The following SLC12A7 variants were observed in gnomAD, a reference collection of about 807,000 sequenced individuals.
SLC12A7 encodes the protein K-Cl cotransporter 4.
In SLC12A7, 100 loss-of-function variants were observed where a neutral mutation model predicts 120.6. That is an observed-to-expected ratio of 0.83 (90% CI 0.71 to 0.98). The LOEUF (loss-of-function observed/expected upper bound fraction) is 0.98, where lower values mean the gene tolerates loss of function less well. SLC12A7 is among the 50% of genes least tolerant of loss of function. The pLI is 0.00. For synonymous variants in SLC12A7, 760 were observed against 678.0 expected, an observed-to-expected ratio of 1.12 and a Z score of -1.88; for missense variants, 1,373 against 1,548.1, an observed-to-expected ratio of 0.89 and a Z score of 1.90.
chr5:1,063,405 C>CA (rs1176932006), intron 20 of SLC12A7, among the ~76,000 whole-genome samples: 3 of 152,178 alleles, frequency 2.0e-5, no homozygotes, highest in Non-Finnish European at 4.4e-5. Flanking sequence ...GGACGGGGTC[C>CA]CGGGCCGAGG....
intron 1 of SLC12A7, among the ~76,000 whole-genome samples, chr5:1,102,314 G>T (rs1742100516): frequency 6.6e-6 from 1 of 152,182 alleles, no homozygotes; most frequent in Non-Finnish European, 1.5e-5. Flanking sequence ...GGGAGAAGCT[G>T]GCTCACCTCC....
chr5:1,077,061 C>CCCA (rs1032796540), intron 12 of SLC12A7, among the ~76,000 whole-genome samples: 5 of 151,652 alleles, frequency 3.3e-5, no homozygotes, highest in African/African-American at 1.2e-4. Flanking sequence ...CCAGCCTGCC[C>CCCA]CCCCGCCTCA....
the SLC12A7 span, among the ~76,000 whole-genome samples, chr5:1,133,121 G>A: frequency 6.6e-6 from 1 of 152,148 alleles, no homozygotes; most frequent in Non-Finnish European, 1.5e-5. Flanking sequence ...TCACCATGTT[G>A]GCCAGGCTGG....
intron 3 of SLC12A7, among the ~76,000 whole-genome samples, chr5:1,089,852 G>A (rs919122040): frequency 5.3e-5 from 8 of 152,172 alleles, no homozygotes; most frequent in African/African-American, 1.7e-4. Context: ...AGCTCCACTC[G>A]GGACGGGCCA....
intron 17 of SLC12A7, among the ~76,000 whole-genome samples, chr5:1,068,103 C>T (rs1298295565): frequency 8.5e-5 from 13 of 152,346 alleles, no homozygotes; most frequent in Middle Eastern, 3.4e-3. Context: ...GCATGAGTCA[C>T]GAAGCTGCAC....
intron 17 of SLC12A7, among the ~76,000 whole-genome samples, chr5:1,070,499 C>T (rs553459581): frequency 5.2e-3 from 16 of 3,090 alleles, no homozygotes; most frequent in African/African-American, 8.4e-3. Context: ...AGCACACGGG[C>T]ATCACACTTA....
At chr5:1,081,994 A>G (rs1739178102) in intron 8 of SLC12A7, among the ~76,000 whole-genome samples, 2 of 151,848 alleles carry the variant, frequency 1.3e-5, no homozygotes, top group South Asian at 4.2e-4. Context: ...TACTCCTGGA[A>G]AGCCTGGGCT....
chr5:1,136,213 AAT>A, the SLC12A7 span, among the ~76,000 whole-genome samples: 1 of 152,164 alleles, frequency 6.6e-6, no homozygotes, highest in East Asian at 1.9e-4. Flanking sequence ...CCATCCGTGC[AAT>A]AGAGGGAAAC....
intron 3 of SLC12A7, among the ~76,000 whole-genome samples, chr5:1,092,647 A>G (rs767963218): frequency 1.2e-4 from 19 of 152,154 alleles, no homozygotes; most frequent in Non-Finnish European, 2.6e-4. Flanking sequence ...TCGGGAAATG[A>G]CAATTTTGTG....
chr5:1,148,896 C>T, the SLC12A7 span, among the ~76,000 whole-genome samples: 1 of 152,200 alleles, frequency 6.6e-6, no homozygotes, highest in African/African-American at 2.4e-5. Context: ...GCCTTCAGGC[C>T]AAACCAAAAT....
At chr5:1,113,298 G>T (rs966708535), upstream of SLC12A7, among the ~76,000 whole-genome samples, 1 of 152,200 alleles carries the variant, frequency 6.6e-6, no homozygotes. Flanking sequence ...TGTTTTAGCC[G>T]CTTGCCTGTC....
the SLC12A7 span, among the ~76,000 whole-genome samples, chr5:1,130,865 G>A: frequency 6.6e-6 from 1 of 152,240 alleles, no homozygotes; most frequent in South Asian, 2.1e-4. Flanking sequence ...GGGAGCGGCT[G>A]GGCCAGTCTG....
chr5:1,078,086 G>T, intron 11 of SLC12A7, 79 bp from the exon 12 acceptor site: 1 of 1,468,928 alleles, frequency 6.8e-7, no homozygotes. Context: ...CCCACCCAGA[G>T]CGAGGGGCCC....
At chr5:1,055,027 T>TG (rs1465490609) in intron 22 of SLC12A7, among the ~76,000 whole-genome samples, 1 of 152,134 alleles carries the variant, frequency 6.6e-6, no homozygotes, top group African/African-American at 2.4e-5. Flanking sequence ...CAGTGAGTGC[T>TG]GGGGTGAGGC....
the SLC12A7 span, among the ~76,000 whole-genome samples, chr5:1,154,487 A>T: frequency 6.6e-6 from 1 of 152,058 alleles, no homozygotes. Context: ...ACACATATAC[A>T]CACATCACAC....
intron 20 of SLC12A7, among the ~76,000 whole-genome samples, chr5:1,060,989 G>A (rs1371438970): frequency 7.4e-6 from 1 of 135,646 alleles, no homozygotes; most frequent in African/African-American, 3.0e-5. Flanking sequence ...CTCACCCACT[G>A]CACCTGCCGT....
upstream of SLC12A7, among the ~76,000 whole-genome samples, chr5:1,114,642 A>C (rs1743243968): frequency 6.6e-6 from 1 of 152,020 alleles, no homozygotes; most frequent in Non-Finnish European, 1.5e-5. Context: ...GGACACGTGG[A>C]GGTACCCGAG....
chr5:1,112,288 CCCCCTCCTGCTCCAGCCCCCTG>C (rs1743086356), upstream of SLC12A7, among the ~76,000 whole-genome samples: 1 of 148,420 alleles, frequency 6.7e-6, no homozygotes, highest in Non-Finnish European at 1.5e-5. Flanking sequence ...GTCTCCTGCA[CCCCCTCCTGCTCCAGCCCCCTG>C]CCCCTCCTGC....
At chr5:1,100,567 T>C (rs1741913458) in intron 1 of SLC12A7, among the ~76,000 whole-genome samples, 1 of 152,248 alleles carries the variant, frequency 6.6e-6, no homozygotes, top group Admixed American at 6.5e-5. Flanking sequence ...GAAGGTGAGC[T>C]GCGCTCGTGG....
Sources: gnomAD v4.1 joint callset for allele counts (sites outside exome capture counted in the v4.1 genomes callset) on GRCh38, gnomAD v4.1.1 for gene constraint, MANE v1.5 for transcripts, NCBI Gene and HGNC (gene_info 2026-07-23, HGNC 2026-07-21) for gene names.